Variants in CNTNAP3 observed in about 807,000 individuals in gnomAD.
CNTNAP3 encodes the protein contactin-associated protein-like 3.
A neutral mutation model predicts 92.1 loss-of-function variants in CNTNAP3; 36 were observed. The ratio of observed to expected loss-of-function variants is 0.39; its 90% CI spans 0.30 to 0.52. The LOEUF is 0.52. Among genes scored for constraint, CNTNAP3 ranks in the 20% least tolerant of loss-of-function variants. The pLI, the probability that CNTNAP3 is intolerant of heterozygous loss-of-function variation, is 0.76. For missense variants in CNTNAP3, 534 were observed against 1,069.6 expected, an observed-to-expected ratio of 0.50 and a Z score of 6.98; for synonymous variants, 232 against 422.3, an observed-to-expected ratio of 0.55 and a Z score of 5.53.
intron 13 of CNTNAP3, among the ~76,000 whole-genome samples, chr9:39,124,699 A>AT (rs1428074316): frequency 2.6e-5 from 4 of 152,140 alleles, no homozygotes; most frequent in Non-Finnish European, 5.9e-5. Context: ...TGGGCGAAGT[A>AT]TATGAACAGA....
intron 13 of CNTNAP3, among the ~76,000 whole-genome samples, chr9:39,128,563 C>G (rs1340464961): frequency 2.6e-5 from 4 of 151,892 alleles, no homozygotes; most frequent in African/African-American, 9.7e-5. Context: ...TAAAAGGGAA[C>G]TACCTCCACA....
rs993558652 is a variant in CNTNAP3, at chr9:39,103,673, A to G, written c.2536+71T>C. ...CACAAAATAAGAATGAAATACTAAC[A>G]TTTTGTTGAGTTAAAGCTTTTATTG... On this transcript the variant is annotated intron_variant, in intron 16 of 23. Transcript: ENST00000297668. 3 of 1,457,740 alleles carry G rather than the reference A, an allele frequency of 2.1e-6. No individual in the cohort carries two copies. The African/African-American group carries it at 4.3e-5, about 21-fold the overall frequency. The allele number at this position is 1,457,740 out of a possible 1,614,324, so 90.3% of individuals were successfully genotyped here.
rs1410367853 is a variant in CNTNAP3, at chr9:39,066,552, T to C, written c.*7338A>G. On this transcript the variant is annotated 3_prime_UTR_variant, in exon 24 of 24. Transcript: ENST00000297668. Reference sequence around the variant, plus strand: ...TCATAGTCCAGGTTTGCTGATAATATATTACTTTTAACTTTTCTATGTCTG... The same window carrying C: ...TCATAGTCCAGGTTTGCTGATAATACATTACTTTTAACTTTTCTATGTCTG... 6.9e-3 allele frequency among the ~76,000 whole-genome samples: 1,054 copies of C among 152,164 alleles called. 1 individual carries two copies. The highest frequency in any genetic ancestry group is 0.024 in the African/African-American group (981 of 41,400).
Position 39,175,942 on chromosome 9 carries a change from TC to T in CNTNAP3, c.1071+6del, listed in dbSNP as rs201053899. 85 of 15,000 alleles carry T rather than the reference TC, an allele frequency of 5.7e-3. 2 individuals carry two copies. Among genetic ancestry groups the T allele is most frequent in the African/African-American group, 0.023 (77 of 3,352 alleles). 0.9% of individuals were successfully genotyped at this position (15,000 alleles called of 1,614,324 possible). ...TTTTTTCTTTCCTTCCCATTAGGCT[TC>T]CTTACCATCATGAGGATCTGTGGTT... is the stretch of plus-strand genomic sequence containing the variant. On this transcript the variant is annotated splice_donor_region_variant and intron_variant, in intron 7 of 23. Transcript: ENST00000297668.
intron 13 of CNTNAP3, among the ~76,000 whole-genome samples, chr9:39,122,902 G>A (rs1253391866): frequency 6.6e-6 from 1 of 152,096 alleles, no homozygotes; most frequent in Non-Finnish European, 1.5e-5. Flanking sequence ...CAAAGAATCA[G>A]AAGGAAATAC....
At position 39,161,956 on chromosome 9, in the gene CNTNAP3, C is replaced by T. The variant is rs999094664; in HGVS notation, c.1477+3977G>A. On this transcript the variant is annotated intron_variant, in intron 9 of 23. Coordinates refer to ENST00000297668, the MANE Select transcript of CNTNAP3 (RefSeq NM_033655.5). The stretch of plus-strand genomic sequence containing the variant: ...GGACATGGCAAAAATTTCATGACAA[C>T]GACACCGAAAACATTGCAACAAAAA... Among the ~76,000 whole-genome samples, 5 of 120,268 alleles carry T rather than the reference C, an allele frequency of 4.2e-5. 1 individual carries two copies. The highest frequency in any genetic ancestry group is 7.9e-5 in the Non-Finnish European group (5 of 62,898). The allele number at this position is 120,268 out of a possible 152,430, so 78.9% of individuals were successfully genotyped here.
At chr9:39,136,317 C>T (rs1821435585) in intron 12 of CNTNAP3, among the ~76,000 whole-genome samples, 1 of 151,802 alleles carries the variant, frequency 6.6e-6, no homozygotes, top group Non-Finnish European at 1.5e-5. Context: ...TCTGGTATAC[C>T]CATTCCTATA....
At chr9:39,150,126 G>C (rs1587734098) in intron 9 of CNTNAP3, 149 bp from the exon 10 acceptor site, 1 of 625,036 alleles carries the variant, frequency 1.6e-6, no homozygotes, top group African/African-American at 1.9e-5. Flanking sequence ...GGTGAGAAGG[G>C]GCAAGGTTAG....
Position 39,066,957 on chromosome 9 carries a change from T to A in CNTNAP3, c.*6933A>T, listed in dbSNP as rs1825521131. 6.6e-6 allele frequency among the ~76,000 whole-genome samples: 1 copy of A among 152,278 alleles called. No homozygotes were observed. Among genetic ancestry groups the A allele is most frequent in the Admixed American group, 6.5e-5 (1 of 15,290 alleles). Reference sequence around the variant, plus strand: ...AATATTTTTTTCTATCCATCCACTCTCTTTTCTCCTTTGAGAACTCCAAAT... The same window carrying A: ...AATATTTTTTTCTATCCATCCACTCACTTTTCTCCTTTGAGAACTCCAAAT... On this transcript the variant is annotated 3_prime_UTR_variant, in exon 24 of 24. Transcript: ENST00000297668.
At chr9:39,119,143 A>G (rs900704473) in intron 13 of CNTNAP3, among the ~76,000 whole-genome samples, 5 of 152,140 alleles carry the variant, frequency 3.3e-5, no homozygotes, top group Non-Finnish European at 5.9e-5. Flanking sequence ...CATGAGGAAA[A>G]TGAAATTGGA....
chr9:39,095,279 G>C (rs572846060), intron 18 of CNTNAP3, among the ~76,000 whole-genome samples: 1 of 151,780 alleles, frequency 6.6e-6, no homozygotes, highest in South Asian at 2.1e-4. Flanking sequence ...ATCTGAGAGA[G>C]AGATAGCCCT....
intron 18 of CNTNAP3, among the ~76,000 whole-genome samples, chr9:39,092,625 A>AT (rs1417720008): frequency 7.3e-6 from 1 of 137,184 alleles, no homozygotes; most frequent in Admixed American, 7.1e-5. Context: ...TTGAGGCTTG[A>AT]TTTACAGGTA....
intron 13 of CNTNAP3, among the ~76,000 whole-genome samples, chr9:39,120,507 T>A (rs186370306): frequency 0.088 from 13,361 of 151,872 alleles, 641 homozygotes; most frequent in South Asian, 0.13. Flanking sequence ...CCGTCTCTAC[T>A]AAAAATACAA....
chr9:39,129,520 A>C lies in CNTNAP3; in HGVS notation c.2080+3412T>G, dbSNP rs1821226127. ...ATTAAAAGTAAAAGGTAAAACTAGAAAACTTTTAGGAAAAAAATTCAAAAA... is the reference window on the plus strand; with the variant it reads ...ATTAAAAGTAAAAGGTAAAACTAGACAACTTTTAGGAAAAAAATTCAAAAA... On this transcript the variant is annotated intron_variant, in intron 13 of 23. Coordinates refer to ENST00000297668, the MANE Select transcript of CNTNAP3 (RefSeq NM_033655.5). Among the ~76,000 whole-genome samples the C allele has an allele frequency of 2.0e-5, 3 of 152,338 alleles. No homozygotes were observed. In the South Asian group the frequency reaches 6.2e-4, roughly 32 times the overall value.
intron 13 of CNTNAP3, among the ~76,000 whole-genome samples, chr9:39,121,642 G>A (rs1048500532): frequency 6.6e-6 from 1 of 152,136 alleles, no homozygotes; most frequent in Non-Finnish European, 1.5e-5. Context: ...GATGGATACT[G>A]AGCAAGGACA....
At position 39,073,650 on chromosome 9, in the gene CNTNAP3, G is replaced by C. The variant is rs1478574739; in HGVS notation, c.*240C>G. On this transcript the variant is annotated 3_prime_UTR_variant, in exon 24 of 24. Coordinates refer to ENST00000297668, the MANE Select transcript of CNTNAP3 (RefSeq NM_033655.5). ...AATGGCCATACCTAATTCATTGTTTGGAAATTGATGTGGAGGACTGTGTTT... is the reference window on the plus strand; with the variant it reads ...AATGGCCATACCTAATTCATTGTTTCGAAATTGATGTGGAGGACTGTGTTT... The C allele has an allele frequency of 1.3e-6, 1 of 758,742 alleles. No homozygotes were observed. The highest frequency in any genetic ancestry group is 2.6e-5 in the Admixed American group (1 of 38,188). 47.0% of individuals were successfully genotyped at this position (758,742 alleles called of 1,614,324 possible). A position where few individuals can be genotyped will look rare whatever the true frequency, so the allele number is the denominator to read the frequency against.
chr9:39,099,866 A>C (rs1314601593), intron 18 of CNTNAP3, 45 bp downstream of exon 18: 5 of 1,594,848 alleles, frequency 3.1e-6, no homozygotes, highest in Non-Finnish European at 3.4e-6. Flanking sequence ...ATGTTATTTA[A>C]GTTTCATGTA....
At chr9:39,113,073 G>A (rs1246722238) in intron 14 of CNTNAP3, among the ~76,000 whole-genome samples, 5 of 151,700 alleles carry the variant, frequency 3.3e-5, no homozygotes, top group Non-Finnish European at 7.4e-5. Context: ...TTTTTGTTAT[G>A]GGGGGGCTGT....
Position 39,104,331 on chromosome 9 carries a change from G to A in CNTNAP3, c.2366-417C>T, listed in dbSNP as rs2778220. Among the ~76,000 whole-genome samples the A allele has an allele frequency of 1.7e-3, 252 of 151,884 alleles. 1 individual carries two copies. The highest frequency in any genetic ancestry group is 5.8e-3 in the African/African-American group (241 of 41,436). On this transcript the variant is annotated intron_variant, in intron 15 of 23. Coordinates refer to ENST00000297668, the MANE Select transcript of CNTNAP3 (RefSeq NM_033655.5). Reference sequence around the variant, plus strand: ...CTGGGAGGGGAAATAATTCTAAAGAGGCAGGTTCGAGCAGCAGCTCAGTTT... The same window carrying A: ...CTGGGAGGGGAAATAATTCTAAAGAAGCAGGTTCGAGCAGCAGCTCAGTTT...
Sources: allele counts gnomAD v4.1 joint callset (sites outside exome capture counted in the v4.1 genomes callset), GRCh38; gene constraint gnomAD v4.1.1; transcripts MANE v1.5; gene names NCBI Gene and HGNC (gene_info 2026-07-23, HGNC 2026-07-21).